SEMA3A: variants seen among roughly 807,000 people sequenced by gnomAD.
SEMA3A encodes semaphorin 3A.
In SEMA3A, 29 loss-of-function variants were observed where a neutral mutation model predicts 97.9. The observed-to-expected ratio is 0.30, with a 90% confidence interval of 0.22 to 0.40. The LOEUF is 0.40. Ranked by LOEUF, SEMA3A falls within the 10% of genes least tolerant of loss-of-function variation. SEMA3A has a pLI of 1.00. For synonymous variants in SEMA3A, 321 were observed against 323.7 expected (o/e 0.99, Z 0.09); for missense variants, 763 against 951.3 (o/e 0.80, Z 2.60).
intron 2 of SEMA3A, among the ~76,000 whole-genome samples, chr7:84,330,961 C>T (rs746198315): frequency 6.6e-6 from 1 of 151,970 alleles, no homozygotes; most frequent in Admixed American, 6.6e-5. Context: ...TGATTCCATG[C>T]CATGGAAAGA....
chr7:84,449,491 C>T (rs1414465109), intron 1 of SEMA3A, among the ~76,000 whole-genome samples: 1 of 152,068 alleles, frequency 6.6e-6, no homozygotes, highest in African/African-American at 2.4e-5. Flanking sequence ...AGAGACACCA[C>T]TACAGATCAT....
rs1797820324 is a variant in SEMA3A, at chr7:84,184,579, C to CT, written c.112+9895dup. Among the ~76,000 whole-genome samples the CT allele has an allele frequency of 2.0e-5, 3 of 151,724 alleles. No homozygotes were observed. In the South Asian group the frequency reaches 6.3e-4, roughly 32 times the overall value. ...AAGTCAAAAGATATAGACTGAAGTA[C>CT]TACCAGGTAAAAAGGTGGGGGTATG... On this transcript the variant is annotated intron_variant, in intron 1 of 16. Coordinates refer to ENST00000265362, the MANE Select transcript of SEMA3A (RefSeq NM_006080.3).
At chr7:84,392,368 T>C (rs561869132) in intron 1 of SEMA3A, among the ~76,000 whole-genome samples, 2 of 152,306 alleles carry the variant, frequency 1.3e-5, no homozygotes, top group South Asian at 4.1e-4. Context: ...TGTTCTGCAA[T>C]TCTATTCATG....
At chr7:84,183,610 A>G (rs759730568) in intron 1 of SEMA3A, among the ~76,000 whole-genome samples, 2 of 152,122 alleles carry the variant, frequency 1.3e-5, no homozygotes, top group Non-Finnish European at 2.9e-5. Flanking sequence ...CTTGGATACT[A>G]TGAGCAGAGT....
At chr7:84,429,861 G>T (rs1804934781) in intron 1 of SEMA3A, among the ~76,000 whole-genome samples, 1 of 151,634 alleles carries the variant, frequency 6.6e-6, no homozygotes, top group Non-Finnish European at 1.5e-5. Flanking sequence ...GCAGGAAAAT[G>T]GACATGAAGC....
chr7:84,461,810 T>C (rs1805847310), intron 1 of SEMA3A, among the ~76,000 whole-genome samples: 1 of 152,190 alleles, frequency 6.6e-6, no homozygotes. Context: ...TACAACAAAT[T>C]TAAGATTTAT....
At chr7:84,416,329 C>A (rs1006596639) in intron 1 of SEMA3A, among the ~76,000 whole-genome samples, 1 of 152,080 alleles carries the variant, frequency 6.6e-6, no homozygotes, top group South Asian at 2.1e-4. Context: ...GTAAGAAGTG[C>A]CTTTCACCTT....
intron 2 of SEMA3A, among the ~76,000 whole-genome samples, chr7:84,343,955 C>A (rs10266471): frequency 0.23 from 35,121 of 151,516 alleles, 4,417 homozygotes; most frequent in South Asian, 0.35. Context: ...TTGCAGTGAG[C>A]TATTATCACA....
At chr7:84,085,440 T>C (rs559716233) in intron 4 of SEMA3A, among the ~76,000 whole-genome samples, 181 of 151,362 alleles carry the variant, frequency 1.2e-3, no homozygotes, top group African/African-American at 4.0e-3. Context: ...ATGAGGGCAA[T>C]GAGTGAACAC....
intron 4 of SEMA3A, among the ~76,000 whole-genome samples, chr7:84,099,071 TTTTC>T: frequency 2.0e-5 from 1 of 49,482 alleles, no homozygotes; most frequent in East Asian, 8.0e-4. Flanking sequence ...TTTTCTTTTT[TTTTC>T]TTTTTTTTTT....
At chr7:84,066,026 A>G (rs1363853112) in intron 4 of SEMA3A, among the ~76,000 whole-genome samples, 1 of 151,690 alleles carries the variant, frequency 6.6e-6, no homozygotes, top group Admixed American at 6.5e-5. Context: ...CCTCAATAAA[A>G]TACTGGCAAA....
intron 2 of SEMA3A, among the ~76,000 whole-genome samples, chr7:84,318,203 T>TA (rs1801557923): frequency 6.6e-6 from 1 of 151,944 alleles, no homozygotes; most frequent in Admixed American, 6.6e-5. Flanking sequence ...ACCAAATTGA[T>TA]AATCACCAAC....
intron 3 of SEMA3A, among the ~76,000 whole-genome samples, chr7:84,262,098 CTTT>C (rs34361946): frequency 0.035 from 5,221 of 149,978 alleles, 303 homozygotes; most frequent in African/African-American, 0.12. Context: ...TTTAATGACA[CTTT>C]TTTTTTTTTA....
At position 84,441,130 on chromosome 7, in the gene SEMA3A, C is replaced by A. The variant is rs1584327296; in HGVS notation, c.-246+51330G>T. ...CCGAGATTGCACTATTGCACTCCAG[C>A]CTGAGCAACAAGAGCAAAACTCCAT... On this transcript the variant is annotated intron_variant, in intron 1 of 3. Coordinates refer to the SEMA3A transcript ENST00000424555. 2.0e-5 allele frequency among the ~76,000 whole-genome samples: 3 copies of A among 151,648 alleles called. No individual in the cohort carries two copies. In the South Asian group the frequency reaches 6.3e-4, roughly 32 times the overall value.
chr7:84,401,583 G>C (rs776013707), intron 1 of SEMA3A, among the ~76,000 whole-genome samples: 3 of 151,932 alleles, frequency 2.0e-5, no homozygotes, highest in Non-Finnish European at 2.9e-5. Context: ...AAAGCTGGGG[G>C]CATCACTTCA....
intron 3 of SEMA3A, among the ~76,000 whole-genome samples, chr7:84,292,365 CATT>C (rs1206356868): frequency 4.6e-5 from 7 of 151,536 alleles, no homozygotes; most frequent in African/African-American, 1.5e-4. Flanking sequence ...TTCTGCTAAG[CATT>C]ATTATTAATT....
intron 3 of SEMA3A, among the ~76,000 whole-genome samples, chr7:84,125,921 T>C (rs1324098094): frequency 6.6e-6 from 1 of 152,232 alleles, no homozygotes; most frequent in East Asian, 1.9e-4. Context: ...AATATGCAGA[T>C]AATTTGTAAG....
At chr7:83,971,507 C>G (rs943787948) in intron 15 of SEMA3A, among the ~76,000 whole-genome samples, 2 of 150,624 alleles carry the variant, frequency 1.3e-5, no homozygotes, top group Admixed American at 6.6e-5. Flanking sequence ...ACAGTATATA[C>G]TGAAGTATAT....
intron 3 of SEMA3A, among the ~76,000 whole-genome samples, chr7:84,241,520 G>A (rs1285759466): frequency 6.6e-6 from 1 of 152,146 alleles, no homozygotes; most frequent in Admixed American, 6.5e-5. Context: ...TTGTCAGATG[G>A]ATAGATCGCA....
Sources: gnomAD v4.1 joint callset for allele counts (sites outside exome capture counted in the v4.1 genomes callset) on GRCh38, gnomAD v4.1.1 for gene constraint, MANE v1.5 for transcripts, NCBI Gene and HGNC (gene_info 2026-07-23, HGNC 2026-07-21) for gene names.